Variants in PDCD6 observed in about 807,000 individuals in gnomAD.
The protein encoded by PDCD6 is programmed cell death 6.
Under a neutral mutation model 28.3 loss-of-function variants are expected in PDCD6, and 12 were observed. The observed-to-expected ratio is 0.42, with a 90% confidence interval of 0.27 to 0.69. The LOEUF (loss-of-function observed/expected upper bound fraction) is 0.69, where lower values mean the gene tolerates loss of function less well. PDCD6 is among the 30% of genes least tolerant of loss of function. The probability of loss-of-function intolerance (pLI) is 0.22; values close to 1 mark genes in which losing one functional copy is unlikely to be tolerated. For synonymous variants in PDCD6, 92 were observed against 108.0 expected (o/e 0.85, Z 0.92); for missense variants, 226 against 269.9 (o/e 0.84, Z 1.14).
At position 271,770 on chromosome 5, in the gene PDCD6, C is replaced by A. The variant is rs955515218; in HGVS notation, c.50C>A (p.Ala17Asp). The A allele has an allele frequency of 2.0e-6, 3 of 1,495,454 alleles. No homozygotes were observed. In the East Asian group the frequency reaches 8.0e-5, roughly 40 times the overall value. The allele number at this position is 1,495,454 out of a possible 1,614,324, so 92.6% of individuals were successfully genotyped here. Residue 17 changes from alanine (A) to aspartate (D), a missense_variant, in exon 1 of 6, where the codon GCT becomes GAT. Coordinates refer to ENST00000264933, the MANE Select transcript of PDCD6 (RefSeq NM_013232.4). ...RPGPGAGPGP[A>D]AGAALPDQSF... Reference sequence around the variant, plus strand: ...GGCCCTGGGGCCGGCCCTGGGCCTGCTGCAGGCGCGGCGCTGCCGGACCAG... The same window carrying A: ...GGCCCTGGGGCCGGCCCTGGGCCTGATGCAGGCGCGGCGCTGCCGGACCAG...
chr5:278,461 G>T (rs188537438), intron 2 of PDCD6, among the ~76,000 whole-genome samples: 3 of 151,294 alleles, frequency 2.0e-5, no homozygotes, highest in African/African-American at 4.9e-5. Flanking sequence ...TGTAATCCCA[G>T]CACTTTGGGA....
At chr5:274,889 A>G (rs943672918) in intron 2 of PDCD6, among the ~76,000 whole-genome samples, 5 of 152,172 alleles carry the variant, frequency 3.3e-5, no homozygotes, top group African/African-American at 9.7e-5. Flanking sequence ...CTGCTACTAA[A>G]TATCTACCAG....
intron 2 of PDCD6, among the ~76,000 whole-genome samples, chr5:296,602 G>A (rs1214869354): frequency 4.6e-5 from 7 of 152,188 alleles, no homozygotes; most frequent in Admixed American, 2.6e-4. Flanking sequence ...AAAAACACAC[G>A]CTGCTAATTA....
At chr5:292,862 C>T (rs148560702) in intron 2 of PDCD6, among the ~76,000 whole-genome samples, 3,013 of 152,246 alleles carry the variant, frequency 0.02, 57 homozygotes, top group South Asian at 0.033. Flanking sequence ...CTCAGCTGAA[C>T]GCACCTCTTG....
intron 2 of PDCD6, among the ~76,000 whole-genome samples, chr5:278,787 CAG>C (rs1233251263): frequency 4.0e-5 from 5 of 124,740 alleles, no homozygotes; most frequent in Non-Finnish European, 8.3e-5. Flanking sequence ...GCTGGGGACA[CAG>C]GGGAGGGTGC....
intron 2 of PDCD6, among the ~76,000 whole-genome samples, chr5:292,885 C>A (rs1739394362): frequency 6.6e-6 from 1 of 152,206 alleles, no homozygotes; most frequent in African/African-American, 2.4e-5. Flanking sequence ...CAAGACTTGG[C>A]CTTGGACACC....
chr5:295,337 C>T (rs1739544747), intron 2 of PDCD6, among the ~76,000 whole-genome samples: 1 of 152,090 alleles, frequency 6.6e-6, no homozygotes, highest in Admixed American at 6.5e-5. Flanking sequence ...AGGGTTTAGA[C>T]CTCCATTGAA....
At chr5:285,349 G>A (rs1458441516) in intron 2 of PDCD6, among the ~76,000 whole-genome samples, 1 of 151,688 alleles carries the variant, frequency 6.6e-6, no homozygotes, top group African/African-American at 2.4e-5. Flanking sequence ...TGATGTTGCA[G>A]TTTGAGGGCT....
intron 2 of PDCD6, among the ~76,000 whole-genome samples, chr5:298,684 A>AGCTGCTCCCC (rs1739778052): frequency 3.2e-5 from 1 of 30,968 alleles, no homozygotes; most frequent in Non-Finnish European, 5.1e-5. Flanking sequence ...AGCTGCTCCC[A>AGCTGCTCCCC]CTCAGCTGCT....
At chr5:303,671 A>C (rs1740278554) in intron 2 of PDCD6, among the ~76,000 whole-genome samples, 1 of 151,676 alleles carries the variant, frequency 6.6e-6, no homozygotes, top group Non-Finnish European at 1.5e-5. Flanking sequence ...AACGGAAGGA[A>C]GGGGTCTGGT....
Position 314,469 on chromosome 5 carries a change from A to G in PDCD6, c.530A>G (p.Gln177Arg), listed in dbSNP as rs1741141429. 1 of 1,613,760 alleles carries G rather than the reference A, an allele frequency of 6.2e-7. No individual in the cohort carries two copies. Among genetic ancestry groups the G allele is most frequent in the African/African-American group, 1.3e-5 (1 of 74,928 alleles). ...GACACGGATCAGGACGGCTGGATTC[A>G]GGTGTCGTACGAACAGTACCTGTCC... ...RYDTDQDGWI[Q>R]VSYEQYLSMV... Residue 177 changes from glutamine to arginine, a missense_variant, in exon 6 of 6, where the codon CAG becomes CGG. Gln to Arg is a conservative substitution (Grantham distance 43). This residue lies in a region of PDCD6 where 151 missense variants were observed against 177.2 expected (regional missense o/e 0.85). Coordinates refer to ENST00000264933, the MANE Select transcript of PDCD6 (RefSeq NM_013232.4).
intron 2 of PDCD6, among the ~76,000 whole-genome samples, chr5:286,468 G>A (rs1738971485): frequency 2.6e-5 from 4 of 151,930 alleles, no homozygotes; most frequent in Admixed American, 2.6e-4. Flanking sequence ...GGAGACCTGG[G>A]GAGGAGCTGA....
At chr5:302,068 C>CTGTGTGTG (rs1491538086) in intron 2 of PDCD6, among the ~76,000 whole-genome samples, 3 of 63,374 alleles carry the variant, frequency 4.7e-5, no homozygotes, top group Non-Finnish European at 7.7e-5. Context: ...TTGAGTGCTG[C>CTGTGTGTG]TCTGTGTGTG....
At chr5:285,078 G>T (rs1388143596) in intron 2 of PDCD6, among the ~76,000 whole-genome samples, 2 of 145,886 alleles carry the variant, frequency 1.4e-5, no homozygotes, top group African/African-American at 5.0e-5. Context: ...CCTCAGACTG[G>T]AACATCAGCT....
At chr5:297,328 T>C (rs1313863698) in intron 2 of PDCD6, among the ~76,000 whole-genome samples, 1 of 152,274 alleles carries the variant, frequency 6.6e-6, no homozygotes, top group South Asian at 2.1e-4. Context: ...AAACTTATGC[T>C]TCTTCCGTTA....
intron 5 of PDCD6, among the ~76,000 whole-genome samples, chr5:314,098 A>C (rs967702986): frequency 6.6e-6 from 1 of 152,178 alleles, no homozygotes; most frequent in Non-Finnish European, 1.5e-5. Context: ...CTTCCACGGG[A>C]CGGTCTTCAG....
chr5:274,042 T>C (rs1385679390), intron 2 of PDCD6, among the ~76,000 whole-genome samples: 2 of 152,088 alleles, frequency 1.3e-5, no homozygotes, highest in South Asian at 2.1e-4. Context: ...AGGCTACAAT[T>C]TGGCAAATCT....
In PDCD6 at chr5:292,772, C is replaced by T. The variant is rs553865027; in HGVS notation, c.164-11405C>T. 2.6e-5 allele frequency among the ~76,000 whole-genome samples: 4 copies of T among 152,312 alleles called. No homozygotes were observed. The South Asian group carries it at 6.2e-4, about 24-fold the overall frequency. Reference sequence around the variant, plus strand: ...GGCTGCTGTGAGGACTTGGCTCCGTCTCTGAGTCGGGTGGGGATTAGCAGA... The same window carrying T: ...GGCTGCTGTGAGGACTTGGCTCCGTTTCTGAGTCGGGTGGGGATTAGCAGA... On this transcript the variant is annotated intron_variant, in intron 2 of 5. Coordinates refer to ENST00000264933, the MANE Select transcript of PDCD6 (RefSeq NM_013232.4).
chr5:271,802 C>T lies in PDCD6; in HGVS notation c.82C>T (p.Leu28=), dbSNP rs1289575302. The T allele has an allele frequency of 2.1e-6, 3 of 1,459,110 alleles. No homozygotes were observed. The highest frequency in any genetic ancestry group is 4.9e-4 in the Middle Eastern group (2 of 4,044). The allele number at this position is 1,459,110 out of a possible 1,614,324, so 90.4% of individuals were successfully genotyped here. A position where few individuals can be genotyped will look rare whatever the true frequency, so the allele number is the denominator to read the frequency against. Residue 28 remains leucine, a synonymous_variant, in exon 1 of 6, where the codon CTG becomes TTG. Transcript: ENST00000264933. Reference sequence around the variant, plus strand: ...CGCGGCGCTGCCGGACCAGAGCTTCCTGTGGAACGTTTTCCAGAGGTGCGG... The same window carrying T: ...CGCGGCGCTGCCGGACCAGAGCTTCTTGTGGAACGTTTTCCAGAGGTGCGG... The part of the protein sequence containing the change: ...AGAALPDQSF[L]WNVFQRVDKD...
Sources: gnomAD v4.1 joint callset for allele counts (sites outside exome capture counted in the v4.1 genomes callset) on GRCh38, gnomAD v4.1.1 for gene constraint, gnomAD v4.1.1 regional missense constraint, MANE v1.5 for transcripts, NCBI Gene and HGNC (gene_info 2026-07-23, HGNC 2026-07-21) for gene names.